Variants in GRIA1 observed in about 807,000 individuals in gnomAD.
The protein encoded by GRIA1 is glutamate receptor 1.
Under a neutral mutation model 99.2 loss-of-function variants are expected in GRIA1, and 31 were observed. The observed-to-expected ratio is 0.31, with a 90% confidence interval of 0.23 to 0.42. GRIA1 has a LOEUF of 0.42. Ranked by LOEUF, GRIA1 falls within the 10% of genes least tolerant of loss-of-function variation. The pLI is 1.00. For synonymous variants in GRIA1, 438 were observed against 432.4 expected (o/e 1.01, Z -0.16); for missense variants, 782 against 1,157.5 (o/e 0.68, Z 4.71).
chr5:153,794,447 G>A (rs1765510641), intron 13 of GRIA1, among the ~76,000 whole-genome samples, 174 bp from the exon 14 acceptor site: 1 of 152,182 alleles, frequency 6.6e-6, no homozygotes, highest in Admixed American at 6.5e-5. Context: ...TGGAGACTAT[G>A]CCTTGGCTCC....
chr5:153,782,915 C>T (rs1764729171), intron 13 of GRIA1, among the ~76,000 whole-genome samples: 1 of 152,164 alleles, frequency 6.6e-6, no homozygotes, highest in African/African-American at 2.4e-5. Flanking sequence ...CAAAACCTCT[C>T]ATGGAATCCC....
At chr5:153,607,071 T>TATATATATAAA (rs1765519893) in intron 2 of GRIA1, among the ~76,000 whole-genome samples, 1 of 100,822 alleles carries the variant, frequency 9.9e-6, no homozygotes, top group African/African-American at 3.3e-5. Context: ...ATATATATAA[T>TATATATATAAA]CACAGTTTCT....
intron 3 of GRIA1, among the ~76,000 whole-genome samples, chr5:153,649,859 AGGTGACCATTTAGATGC>A (rs1444990357): frequency 6.6e-6 from 1 of 152,248 alleles, no homozygotes; most frequent in Admixed American, 6.5e-5. Flanking sequence ...AGCAGTTATT[AGGTGACCATTTAGATGC>A]TAGGTTGGCA....
chr5:153,602,043 G>A (rs1765014611), intron 2 of GRIA1, among the ~76,000 whole-genome samples: 1 of 152,084 alleles, frequency 6.6e-6, no homozygotes, highest in African/African-American at 2.4e-5. Flanking sequence ...ATATACCAAA[G>A]GACTATAAAT....
At chr5:153,805,667 T>C (rs1037879912) in intron 15 of GRIA1, among the ~76,000 whole-genome samples, 1 of 152,218 alleles carries the variant, frequency 6.6e-6, no homozygotes, top group Non-Finnish European at 1.5e-5. Context: ...GGCTAATGCC[T>C]GGGATCCTCT....
intron 2 of GRIA1, among the ~76,000 whole-genome samples, chr5:153,497,454 G>A (rs1416496635): frequency 6.6e-6 from 1 of 152,236 alleles, no homozygotes; most frequent in Non-Finnish European, 1.5e-5. Flanking sequence ...AGTACATACT[G>A]AATGCCTACT....
chr5:153,795,615 C>T (rs375228432), intron 14 of GRIA1: 37 of 1,320,380 alleles, frequency 2.8e-5, no homozygotes, highest in African/African-American at 5.8e-5. Flanking sequence ...ACAGAGGTCA[C>T]GCACACCTGT....
In GRIA1 at chr5:153,608,233, C is replaced by CT. The variant is rs527383729; in HGVS notation, c.221-38687dup. On this transcript the variant is annotated intron_variant, in intron 2 of 15. Coordinates refer to ENST00000285900, the MANE Select transcript of GRIA1 (RefSeq NM_000827.4). ...TGCAATATTCTGGTTAGTTGCGATT[C>CT]TTTTTTTTAATTTAACATCATTTGG... is the stretch of plus-strand genomic sequence containing the variant. Among the ~76,000 whole-genome samples the CT allele has an allele frequency of 7.9e-5, 12 of 152,040 alleles. No homozygotes were observed. The East Asian group carries it at 2.3e-3, about 29-fold the overall frequency.
At chr5:153,575,418 C>A (rs1402182993) in intron 2 of GRIA1, among the ~76,000 whole-genome samples, 3 of 152,018 alleles carry the variant, frequency 2.0e-5, no homozygotes, top group East Asian at 1.9e-4. Context: ...TTAGGACCAC[C>A]AAAGGGTAAC....
At chr5:153,690,458 CTT>C (rs1340245176) in intron 8 of GRIA1, among the ~76,000 whole-genome samples, 2 of 152,262 alleles carry the variant, frequency 1.3e-5, no homozygotes, top group African/African-American at 4.8e-5. Context: ...TGGTAATACT[CTT>C]TGCCTCCCAG....
intron 11 of GRIA1, among the ~76,000 whole-genome samples, chr5:153,709,650 G>C (rs942547219): frequency 6.6e-6 from 1 of 152,148 alleles, no homozygotes; most frequent in African/African-American, 2.4e-5. Context: ...TTTTCTTCTT[G>C]TTCATAAGAT....
intron 13 of GRIA1, among the ~76,000 whole-genome samples, chr5:153,785,631 C>T (rs892459716): frequency 3.9e-5 from 6 of 152,192 alleles, no homozygotes; most frequent in African/African-American, 1.2e-4. Context: ...CACTACACAA[C>T]GCTTATCTTT....
intron 3 of GRIA1, among the ~76,000 whole-genome samples, chr5:153,648,142 G>T (rs2149454955): frequency 1.3e-5 from 2 of 152,340 alleles, no homozygotes; most frequent in African/African-American, 4.8e-5. Flanking sequence ...AGAGAGGTTT[G>T]TGAAAGTGAT....
intron 2 of GRIA1, among the ~76,000 whole-genome samples, chr5:153,514,151 CTG>C (rs1756378995): frequency 6.6e-6 from 1 of 152,212 alleles, no homozygotes; most frequent in South Asian, 2.1e-4. Context: ...GGGAGTAAAA[CTG>C]TGCCTTTCTG....
At chr5:153,607,600 A>G (rs1024575165) in intron 2 of GRIA1, among the ~76,000 whole-genome samples, 5 of 151,734 alleles carry the variant, frequency 3.3e-5, no homozygotes, top group Non-Finnish European at 7.4e-5. Flanking sequence ...GCACCCCTTA[A>G]CTGTTCTTCT....
At chr5:153,547,128 A>G (rs547989736) in intron 2 of GRIA1, among the ~76,000 whole-genome samples, 6 of 152,326 alleles carry the variant, frequency 3.9e-5, no homozygotes, top group East Asian at 1.9e-4. Context: ...ATGAGGCCCA[A>G]TACAAATTTG....
intron 6 of GRIA1, among the ~76,000 whole-genome samples, chr5:153,676,790 G>A (rs6580028): frequency 0.2 from 29,716 of 151,990 alleles, 3,259 homozygotes; most frequent in East Asian, 0.42. Flanking sequence ...TAGCATGGTC[G>A]AGCAGCAGCA....
chr5:153,509,305 T>A (rs997713497), intron 2 of GRIA1, among the ~76,000 whole-genome samples: 28 of 152,150 alleles, frequency 1.8e-4, no homozygotes, highest in Admixed American at 1.6e-3. Flanking sequence ...GCACAGGATT[T>A]AGTGAGAGAA....
At chr5:153,543,984 G>A (rs1759378179) in intron 2 of GRIA1, among the ~76,000 whole-genome samples, 1 of 151,942 alleles carries the variant, frequency 6.6e-6, no homozygotes, top group South Asian at 2.1e-4. Context: ...GTTGGGGGTG[G>A]GGTCACTCTT....
Sources: gnomAD v4.1 joint callset for allele counts (sites outside exome capture counted in the v4.1 genomes callset) on GRCh38, gnomAD v4.1.1 for gene constraint, MANE v1.5 for transcripts, NCBI Gene and HGNC (gene_info 2026-07-23, HGNC 2026-07-21) for gene names.